Variants in PPTC7 observed in about 807,000 individuals in gnomAD.
PPTC7 encodes the protein protein phosphatase targeting COQ7.
PPTC7 carries 6 observed loss-of-function variants against 30.8 expected under a neutral mutation model. That is an observed-to-expected ratio of 0.19 (90% CI 0.11 to 0.38). The LOEUF is 0.38. PPTC7 is among the 10% of genes least tolerant of loss of function. PPTC7 has a pLI of 1.00. For missense variants in PPTC7, 218 were observed against 404.8 expected (o/e 0.54, Z 3.96); for synonymous variants, 163 against 168.1 (o/e 0.97, Z 0.23).
At chr12:110,564,416 T>C (rs983898061) in intron 1 of PPTC7, among the ~76,000 whole-genome samples, 1 of 152,264 alleles carries the variant, frequency 6.6e-6, no homozygotes, top group African/African-American at 2.4e-5. Flanking sequence ...ATCTGATATA[T>C]GCCTACTTGT....
chr12:110,536,807 C>T lies in PPTC7; in HGVS notation c.*230G>A. The T allele has an allele frequency of 2.1e-6, 1 of 466,654 alleles. No individual in the cohort carries two copies. The highest frequency in any genetic ancestry group is 4.9e-5 in the South Asian group (1 of 20,548). 28.9% of individuals were successfully genotyped at this position (466,654 alleles called of 1,614,324 possible). A position where few individuals can be genotyped will look rare whatever the true frequency, so the allele number is the denominator to read the frequency against. On this transcript the variant is annotated 3_prime_UTR_variant, in exon 6 of 6. Transcript: ENST00000354300. ...GGAAAGAACATCGAGAAATGAAGGC[C>T]AATCTTCAAATATTGGATCTCTTCA... is the stretch of plus-strand genomic sequence containing the variant.
At chr12:110,568,608 T>C (rs947649210) in intron 1 of PPTC7, among the ~76,000 whole-genome samples, 1 of 152,208 alleles carries the variant, frequency 6.6e-6, no homozygotes, top group South Asian at 2.1e-4. Context: ...CACAGGACTA[T>C]GAAACATCAG....
intron 1 of PPTC7, among the ~76,000 whole-genome samples, chr12:110,564,603 G>A (rs1397640896): frequency 6.6e-6 from 1 of 152,074 alleles, no homozygotes; most frequent in Non-Finnish European, 1.5e-5. Flanking sequence ...GGCTGGCCTT[G>A]ACTAAAATAG....
In PPTC7 at chr12:110,582,934, TCGCCGC is replaced by T. The variant is rs35409332; in HGVS notation, c.92_97del (p.Gly31_Gly32del). 133 of 1,546,372 alleles carry T rather than the reference TCGCCGC, an allele frequency of 8.6e-5. No homozygotes were observed. Among genetic ancestry groups the T allele is most frequent in the African/African-American group, 1.9e-4 (14 of 72,786 alleles). The stretch of plus-strand genomic sequence containing the variant: ...GCAGCCGGCCGTCACCAGTCCGTAG[TCGCCGC>T]CGCCGCCGCCGCCGGCCCTGGGGTC... On this transcript the variant is annotated inframe_deletion, in exon 1 of 6. Transcript: ENST00000354300.
At chr12:110,572,372 T>C (rs1302477798) in intron 1 of PPTC7, among the ~76,000 whole-genome samples, 2 of 151,818 alleles carry the variant, frequency 1.3e-5, no homozygotes, top group African/African-American at 4.8e-5. Flanking sequence ...ACCCGGGAGG[T>C]GGAGGCTGCA....
chr12:110,582,427 T>G (rs753027028), intron 1 of PPTC7, among the ~76,000 whole-genome samples: 2 of 151,978 alleles, frequency 1.3e-5, no homozygotes, highest in Non-Finnish European at 2.9e-5. Context: ...CCCCGGGGCA[T>G]GCGGAGAGGG....
chr12:110,540,211 A>G (rs927521332), intron 3 of PPTC7, among the ~76,000 whole-genome samples: 7 of 152,084 alleles, frequency 4.6e-5, no homozygotes, highest in Admixed American at 2.6e-4. Context: ...GTGGCTGAGA[A>G]GGAGGGAGGA....
intron 3 of PPTC7, among the ~76,000 whole-genome samples, chr12:110,541,850 T>C (rs2064262847): frequency 6.6e-6 from 1 of 150,518 alleles, no homozygotes; most frequent in South Asian, 2.1e-4. Context: ...CTTCAAGAAA[T>C]ATCTTGATAT....
chr12:110,550,262 GCT>G (rs1324660488), intron 2 of PPTC7, among the ~76,000 whole-genome samples: 15 of 120,140 alleles, frequency 1.2e-4, no homozygotes, highest in Non-Finnish European at 2.4e-4. Context: ...ATGGAGTCTT[GCT>G]CTGTCGCCCA....
At chr12:110,561,084 A>T (rs2064434323) in intron 1 of PPTC7, among the ~76,000 whole-genome samples, 2 of 152,196 alleles carry the variant, frequency 1.3e-5, no homozygotes, top group South Asian at 4.1e-4. Context: ...TTTCTGCAGT[A>T]AGGGGCCATC....
chr12:110,565,724 G>T (rs2135786104), intron 1 of PPTC7, among the ~76,000 whole-genome samples: 1 of 152,324 alleles, frequency 6.6e-6, no homozygotes, highest in South Asian at 2.1e-4. Flanking sequence ...TGGTGAAAGG[G>T]AGCTAAAGAT....
rs574765926 is a variant in PPTC7, at chr12:110,533,554, A to G, written c.*3483T>C. 2.3e-4 allele frequency: 35 copies of G among 152,320 alleles called. No homozygotes were observed. The highest frequency in any genetic ancestry group is 4.4e-4 in the Non-Finnish European group (30 of 68,028). The allele number at this position is 152,320 out of a possible 1,614,324, so 9.4% of individuals were successfully genotyped here. A position where few individuals can be genotyped will look rare whatever the true frequency, so the allele number is the denominator to read the frequency against. On this transcript the variant is annotated 3_prime_UTR_variant, in exon 6 of 6. Transcript: ENST00000354300. ...TTAATTTTAAATAAATAGAATCCAA[A>G]TATGTCCTGCTTCATGTTTTGTTTC... is the stretch of plus-strand genomic sequence containing the variant.
chr12:110,564,783 T>C (rs913343461), intron 1 of PPTC7, among the ~76,000 whole-genome samples: 3 of 144,218 alleles, frequency 2.1e-5, no homozygotes, highest in African/African-American at 8.2e-5. Context: ...TATATATACA[T>C]ACACGTTATA....
At position 110,536,869 on chromosome 12, in the gene PPTC7, A is replaced by C; in HGVS notation, c.*168T>G. 1 of 614,252 alleles carries C rather than the reference A, an allele frequency of 1.6e-6. No individual in the cohort carries two copies. The allele number at this position is 614,252 out of a possible 1,614,324, so 38.1% of individuals were successfully genotyped here. A position where few individuals can be genotyped will look rare whatever the true frequency, so the allele number is the denominator to read the frequency against. Reference sequence around the variant, plus strand: ...CAGATATGAGCTAGTGAATGATAGTAGTGGTTCTCAACAAAGATCTCAACG... The same window carrying C: ...CAGATATGAGCTAGTGAATGATAGTCGTGGTTCTCAACAAAGATCTCAACG... On this transcript the variant is annotated 3_prime_UTR_variant, in exon 6 of 6. Transcript: ENST00000354300.
chr12:110,573,016 A>G (rs538451339), intron 1 of PPTC7, among the ~76,000 whole-genome samples: 10 of 152,214 alleles, frequency 6.6e-5, no homozygotes, highest in Admixed American at 4.6e-4. Flanking sequence ...AGTAGCTGGG[A>G]TTACAGGCGC....
chr12:110,556,209 G>A (rs2064385975), intron 1 of PPTC7, among the ~76,000 whole-genome samples: 1 of 152,122 alleles, frequency 6.6e-6, no homozygotes, highest in African/African-American at 2.4e-5. Context: ...GCACCTGTTT[G>A]CTTTTTTACA....
intron 1 of PPTC7, among the ~76,000 whole-genome samples, chr12:110,565,595 A>C (rs1011783153): frequency 1.3e-5 from 2 of 152,178 alleles, no homozygotes; most frequent in African/African-American, 4.8e-5. Flanking sequence ...TGTTACTTTC[A>C]TGGGAAGGAT....
chr12:110,569,450 T>A (rs1043044350), intron 1 of PPTC7, among the ~76,000 whole-genome samples: 1 of 152,320 alleles, frequency 6.6e-6, no homozygotes, highest in Middle Eastern at 3.4e-3. Context: ...TCTTTGCCAC[T>A]AACTGGACCT....
At chr12:110,569,085 C>A (rs555731109) in intron 1 of PPTC7, among the ~76,000 whole-genome samples, 1 of 144,548 alleles carries the variant, frequency 6.9e-6, no homozygotes, top group Non-Finnish European at 1.5e-5. Context: ...GTAATCCCAA[C>A]ACTTTGGGTG....
Sources: allele counts gnomAD v4.1 joint callset (sites outside exome capture counted in the v4.1 genomes callset), GRCh38; gene constraint gnomAD v4.1.1; transcripts MANE v1.5; gene names NCBI Gene and HGNC (gene_info 2026-07-23, HGNC 2026-07-21).